The following TMEM74 variants were observed in gnomAD, a reference collection of about 807,000 sequenced individuals.
TMEM74 encodes transmembrane protein 74.
TMEM74 carries 13 observed loss-of-function variants against 18.1 expected under a neutral mutation model. The ratio of observed to expected loss-of-function variants is 0.72; its 90% CI spans 0.47 to 1.14. The LOEUF is 1.14. TMEM74 is among the 50% of genes most tolerant of loss of function. TMEM74 has a pLI of 0.00. For missense variants in TMEM74, 372 were observed against 375.9 expected, an observed-to-expected ratio of 0.99 and a Z score of 0.09; for synonymous variants, 159 against 146.6, an observed-to-expected ratio of 1.08 and a Z score of -0.61.
chr8:108,730,696 G>T (rs1039929562), intron 1 of TMEM74, among the ~76,000 whole-genome samples: 7 of 148,186 alleles, frequency 4.7e-5, no homozygotes, highest in Non-Finnish European at 1.0e-4. Context: ...GCAGTGGAGC[G>T]ATCTCAGCTC....
intron 1 of TMEM74, among the ~76,000 whole-genome samples, chr8:108,730,597 A>G (rs10108116): frequency 0.06 from 9,042 of 150,956 alleles, 747 homozygotes; most frequent in African/African-American, 0.19. Flanking sequence ...CCAGAATGTA[A>G]AACTATACGC....
At chr8:108,719,090 AAACTC>A (rs1436087518) in intron 1 of TMEM74, among the ~76,000 whole-genome samples, 1 of 152,060 alleles carries the variant, frequency 6.6e-6, no homozygotes, top group Non-Finnish European at 1.5e-5. Flanking sequence ...TTTTGAGAGT[AAACTC>A]AATTAGAGTA....
intron 1 of TMEM74, among the ~76,000 whole-genome samples, chr8:108,664,332 C>A (rs1463129336): frequency 6.6e-6 from 1 of 152,034 alleles, no homozygotes; most frequent in Non-Finnish European, 1.5e-5. Flanking sequence ...CTTTGTGAAG[C>A]TATTTCACCT....
At chr8:108,730,395 G>A (rs747103655) in intron 1 of TMEM74, among the ~76,000 whole-genome samples, 36 of 152,108 alleles carry the variant, frequency 2.4e-4, no homozygotes, top group Non-Finnish European at 4.4e-4. Flanking sequence ...ACCCTGGCAC[G>A]GTCCCTCACA....
intron 1 of TMEM74, among the ~76,000 whole-genome samples, chr8:108,656,638 G>A (rs576575386): frequency 7.2e-5 from 11 of 152,160 alleles, no homozygotes; most frequent in African/African-American, 9.6e-5. Context: ...TCATTGTCCC[G>A]AAGAGACCAA....
At chr8:108,631,356 A>T (rs187584453) in intron 2 of TMEM74, among the ~76,000 whole-genome samples, 2 of 152,030 alleles carry the variant, frequency 1.3e-5, no homozygotes, top group Admixed American at 1.3e-4. Flanking sequence ...ATGTGATTTG[A>T]TTCTGTTAGG....
At chr8:108,715,171 A>G (rs1813511017) in intron 1 of TMEM74, among the ~76,000 whole-genome samples, 1 of 152,124 alleles carries the variant, frequency 6.6e-6, no homozygotes, top group Non-Finnish European at 1.5e-5. Flanking sequence ...TTGGCATATA[A>G]ACATGTTTAG....
intron 1 of TMEM74, among the ~76,000 whole-genome samples, chr8:108,706,775 G>GT (rs1312426917): frequency 1.1e-4 from 12 of 112,708 alleles, no homozygotes; most frequent in African/African-American, 4.1e-4. Flanking sequence ...GAATTACAAG[G>GT]GGTGTGTGTG....
chr8:108,784,200 G>A lies in TMEM74; in HGVS notation c.899C>T (p.Ala300Val), dbSNP rs911946149. The change falls in exon 2 of 2, where the codon GCG becomes GTG. Residue 300 changes from alanine (A) to valine (V), a missense_variant. By Grantham distance (64) the Ala-to-Val change is moderately conservative. Coordinates refer to ENST00000297459, the MANE Select transcript of TMEM74 (RefSeq NM_153015.3). ...TLELSLVEEDALAVQS is the reference protein window; with the variant it reads ...TLELSLVEEDVLAVQS ...CCAGAATTAACTCTGTACAGCAAGC[G>A]CATCTTCCTCTACCAAGGACAGTTC... 43 of 1,609,714 alleles carry A rather than the reference G, an allele frequency of 2.7e-5. No individual in the cohort carries two copies. Among genetic ancestry groups the A allele is most frequent in the Non-Finnish European group, 3.2e-5 (38 of 1,177,020 alleles).
At chr8:108,670,670 T>C (rs1812995991) in intron 1 of TMEM74, among the ~76,000 whole-genome samples, 1 of 152,158 alleles carries the variant, frequency 6.6e-6, no homozygotes, top group Admixed American at 6.5e-5. Flanking sequence ...TACGACATCT[T>C]TGTGGAAAGT....
chr8:108,685,829 A>T (rs1813162132), intron 1 of TMEM74, among the ~76,000 whole-genome samples: 1 of 152,192 alleles, frequency 6.6e-6, no homozygotes. Context: ...ATTAACAATA[A>T]AATTTTAATT....
At chr8:108,657,898 ATAT>A (rs1340108208) in intron 1 of TMEM74, among the ~76,000 whole-genome samples, 4 of 122,930 alleles carry the variant, frequency 3.3e-5, no homozygotes, top group African/African-American at 1.3e-4. Context: ...ATATATATAT[ATAT>A]ATTAATTACA....
At chr8:108,703,668 C>T (rs1041086786) in intron 1 of TMEM74, among the ~76,000 whole-genome samples, 3 of 152,180 alleles carry the variant, frequency 2.0e-5, no homozygotes, top group Non-Finnish European at 2.9e-5. Flanking sequence ...TATTACTCAC[C>T]TCTTCTTGTC....
At chr8:108,749,441 G>A (rs996233600) in intron 1 of TMEM74, among the ~76,000 whole-genome samples, 30 of 152,186 alleles carry the variant, frequency 2.0e-4, no homozygotes, top group Admixed American at 5.2e-4. Context: ...ACATGATTTG[G>A]CTCTTGCCTT....
At chr8:108,737,325 G>A (rs1051414966) in intron 1 of TMEM74, among the ~76,000 whole-genome samples, 2 of 151,858 alleles carry the variant, frequency 1.3e-5, no homozygotes, top group African/African-American at 4.8e-5. Flanking sequence ...ATTTCCTTTG[G>A]GTCTAACCTG....
chr8:108,713,669 G>A (rs186095182), intron 1 of TMEM74, among the ~76,000 whole-genome samples: 11 of 152,318 alleles, frequency 7.2e-5, no homozygotes, highest in African/African-American at 2.4e-4. Flanking sequence ...GTTAAAATTT[G>A]TATTAGTCAG....
Position 108,779,134 on chromosome 8 carries a change from TA to T in TMEM74, c.*5046del, listed in dbSNP as rs1471363040. On this transcript the variant is annotated 3_prime_UTR_variant, in exon 2 of 2. Coordinates refer to ENST00000297459, the MANE Select transcript of TMEM74 (RefSeq NM_153015.3). ...TAAAATGATATGACACACTTGCTAT[TA>T]ACATATAAGGCATCAAGTGCCCTAA... 6.6e-6 allele frequency among the ~76,000 whole-genome samples: 1 copy of T among 152,200 alleles called. No homozygotes were observed. Among genetic ancestry groups the T allele is most frequent in the East Asian group, 1.9e-4 (1 of 5,204 alleles).
At chr8:108,680,964 G>A (rs1813107945) in intron 1 of TMEM74, among the ~76,000 whole-genome samples, 1 of 152,306 alleles carries the variant, frequency 6.6e-6, no homozygotes, top group Admixed American at 6.5e-5. Context: ...TACAAGGGAT[G>A]TGAAGGACCT....
intron 2 of TMEM74, among the ~76,000 whole-genome samples, chr8:108,631,511 C>A (rs749904051): frequency 2.6e-5 from 4 of 152,004 alleles, no homozygotes; most frequent in Non-Finnish European, 4.4e-5. Flanking sequence ...TAGGTAGAGA[C>A]TTGTATTTGG....
Sources: gnomAD v4.1 joint callset for allele counts (sites outside exome capture counted in the v4.1 genomes callset) on GRCh38, gnomAD v4.1.1 for gene constraint, MANE v1.5 for transcripts, NCBI Gene and HGNC (gene_info 2026-07-23, HGNC 2026-07-21) for gene names.